The following TJP1 variants were observed in gnomAD, a reference collection of about 807,000 sequenced individuals.
The protein encoded by TJP1 is tight junction protein ZO-1.
TJP1 carries 43 observed loss-of-function variants against 194.2 expected under a neutral mutation model. The ratio of observed to expected loss-of-function variants is 0.22; its 90% CI spans 0.17 to 0.29. The LOEUF (loss-of-function observed/expected upper bound fraction) is 0.29. Ranked by LOEUF, TJP1 falls within the 10% of genes least tolerant of loss-of-function variation. The pLI is 1.00. For synonymous variants in TJP1, 801 were observed against 779.0 expected (o/e 1.03, Z -0.47); for missense variants, 1,971 against 2,185.7 (o/e 0.90, Z 1.96).
intron 2 of TJP1, among the ~76,000 whole-genome samples, chr15:29,953,863 A>G (rs1472724535): frequency 6.6e-6 from 1 of 152,212 alleles, no homozygotes; most frequent in African/African-American, 2.4e-5. Context: ...TGGCTTTTCA[A>G]TGCACTCTTC....
intron 4 of TJP1, among the ~76,000 whole-genome samples, chr15:29,767,409 C>T (rs938138984): frequency 6.6e-6 from 1 of 152,108 alleles, no homozygotes; most frequent in Non-Finnish European, 1.5e-5. Context: ...ATCTTATTTC[C>T]AATTCCTTCA....
chr15:29,848,518 G>C (rs983691715), intron 2 of TJP1, among the ~76,000 whole-genome samples: 2 of 152,176 alleles, frequency 1.3e-5, no homozygotes, highest in Non-Finnish European at 2.9e-5. Context: ...TAGTAACAGA[G>C]GAAGTTGACT....
chr15:29,778,332 TAA>T (rs879662901), intron 2 of TJP1, among the ~76,000 whole-genome samples: 8 of 143,748 alleles, frequency 5.6e-5, no homozygotes, highest in Admixed American at 1.4e-4. Flanking sequence ...TTGGTGGACT[TAA>T]AAAAAAAAAA....
chr15:29,757,864 TAC>T (rs764685557), intron 8 of TJP1, among the ~76,000 whole-genome samples: 41 of 152,170 alleles, frequency 2.7e-4, no homozygotes, highest in Non-Finnish European at 5.4e-4. Context: ...TGGGTCCACT[TAC>T]ACTCGAATTT....
chr15:29,749,091 A>G (rs1246019239), intron 8 of TJP1, among the ~76,000 whole-genome samples: 1 of 151,746 alleles, frequency 6.6e-6, no homozygotes, highest in Non-Finnish European at 1.5e-5. Context: ...AAGGTACCTC[A>G]AGATCCTCTT....
chr15:29,783,332 T>TA (rs911757515), intron 2 of TJP1, among the ~76,000 whole-genome samples: 8 of 151,644 alleles, frequency 5.3e-5, no homozygotes, highest in African/African-American at 1.9e-4. Context: ...TGGCTAATAT[T>TA]AAAAAAAGTC....
intron 1 of TJP1, among the ~76,000 whole-genome samples, chr15:29,963,241 G>A (rs544745822): frequency 6.6e-6 from 1 of 152,254 alleles, no homozygotes; most frequent in African/African-American, 2.4e-5. Context: ...GACCACCCTT[G>A]GAGAAACAAC....
chr15:29,967,261 C>G (rs2056366358), intron 1 of TJP1, among the ~76,000 whole-genome samples: 1 of 151,912 alleles, frequency 6.6e-6, no homozygotes, highest in African/African-American at 2.4e-5. Flanking sequence ...GTCTTGAACT[C>G]CAGACCTCAG....
chr15:29,959,081 C>G (rs2056060804), intron 1 of TJP1, among the ~76,000 whole-genome samples: 1 of 151,940 alleles, frequency 6.6e-6, no homozygotes, highest in African/African-American at 2.4e-5. Context: ...GCTCCGTCTC[C>G]TGGGTTCACG....
chr15:29,712,878 A>G (rs1417064390), intron 23 of TJP1, among the ~76,000 whole-genome samples: 1 of 152,030 alleles, frequency 6.6e-6, no homozygotes, highest in Admixed American at 6.5e-5. Context: ...GTAACACAAC[A>G]GAAGAGCTAC....
intron 8 of TJP1, 68 bp downstream of exon 8, chr15:29,761,071 A>G: frequency 6.9e-7 from 1 of 1,440,696 alleles, no homozygotes; most frequent in Non-Finnish European, 9.2e-7. Context: ...TTTATTTGTA[A>G]GCAATTTCAG....
chr15:29,707,761 CAGAG>C (rs2041989015), intron 25 of TJP1, among the ~76,000 whole-genome samples: 2 of 152,206 alleles, frequency 1.3e-5, no homozygotes, highest in Non-Finnish European at 1.5e-5. Flanking sequence ...TTTAAACAGT[CAGAG>C]GTTATTCTAT....
chr15:29,908,787 G>A (rs2053913676), intron 2 of TJP1, among the ~76,000 whole-genome samples: 1 of 152,162 alleles, frequency 6.6e-6, no homozygotes. Context: ...GGGAGGCCAA[G>A]GTGGGCAGAA....
At chr15:29,724,226 C>T (rs142985437) in intron 18 of TJP1, among the ~76,000 whole-genome samples, 79 of 152,264 alleles carry the variant, frequency 5.2e-4, no homozygotes, top group African/African-American at 1.8e-3. Context: ...TCAGGTCTCC[C>T]CATGCTCCAG....
intron 2 of TJP1, among the ~76,000 whole-genome samples, chr15:29,893,184 A>G (rs530380344): frequency 1.3e-5 from 2 of 152,262 alleles, no homozygotes; most frequent in African/African-American, 2.4e-5. Context: ...GAGAACTAGA[A>G]TTAGAAGTGG....
intron 1 of TJP1, among the ~76,000 whole-genome samples, chr15:29,816,230 T>C (rs916487484): frequency 8.6e-5 from 13 of 152,028 alleles, no homozygotes; most frequent in South Asian, 6.2e-4. Context: ...GTTTCGGCCG[T>C]GTTGGTTGTG....
At chr15:29,809,887 T>C (rs1452297729) in intron 1 of TJP1, among the ~76,000 whole-genome samples, 1 of 152,042 alleles carries the variant, frequency 6.6e-6, no homozygotes, top group Non-Finnish European at 1.5e-5. Flanking sequence ...TGATTTGGAG[T>C]TTATTTTAAA....
intron 2 of TJP1, among the ~76,000 whole-genome samples, chr15:29,948,826 T>C (rs944114882): frequency 2.0e-5 from 3 of 152,002 alleles, no homozygotes; most frequent in Non-Finnish European, 4.4e-5. Context: ...CAGGAACATT[T>C]CAACGACCTC....
chr15:29,822,408 G>A lies in TJP1; in HGVS notation c.-380C>T, dbSNP rs1429909125. On this transcript the variant is annotated 5_prime_UTR_variant, in exon 1 of 28. Coordinates refer to ENST00000614355, the MANE Select transcript of TJP1 (RefSeq NM_001330239.4). ...TTCGCCACGTAACTTCCCGGGAACC[G>A]GCGGCCGCCAAGGAACGCGGCGTCC... 2 of 995,788 alleles carry A rather than the reference G, an allele frequency of 2.0e-6. No individual in the cohort carries two copies. The highest frequency in any genetic ancestry group is 4.7e-5 in the South Asian group (1 of 21,400). The allele number at this position is 995,788 out of a possible 1,614,324, so 61.7% of individuals were successfully genotyped here. A position where few individuals can be genotyped will look rare whatever the true frequency, so the allele number is the denominator to read the frequency against.
Sources: gnomAD v4.1 joint callset for allele counts (sites outside exome capture counted in the v4.1 genomes callset) on GRCh38, gnomAD v4.1.1 for gene constraint, MANE v1.5 for transcripts, NCBI Gene and HGNC (gene_info 2026-07-23, HGNC 2026-07-21) for gene names.